The following ATP8B4 variants were observed in gnomAD, a reference collection of about 807,000 sequenced individuals.
The protein encoded by ATP8B4 is ATPase phospholipid transporting 8B4 (putative).
In ATP8B4, 133 loss-of-function variants were observed where a neutral mutation model predicts 145.6. The observed-to-expected ratio is 0.91, with a 90% CI of 0.79 to 1.05. The LOEUF (loss-of-function observed/expected upper bound fraction) is 1.05, where lower values mean the gene tolerates loss of function less well. Ranked by LOEUF, ATP8B4 falls within the 50% of genes least tolerant of loss-of-function variation. The pLI is 0.00. For synonymous variants in ATP8B4, 507 were observed against 492.9 expected (o/e 1.03, Z -0.38); for missense variants, 1,458 against 1,425.2 (o/e 1.02, Z -0.37).
At chr15:49,911,635 C>G (rs1179176841) in intron 20 of ATP8B4, among the ~76,000 whole-genome samples, 1 of 152,074 alleles carries the variant, frequency 6.6e-6, no homozygotes, top group Non-Finnish European at 1.5e-5. Flanking sequence ...ATCATTTAGA[C>G]AGATAATCAA....
At chr15:49,893,544 A>G (rs2037056270) in intron 23 of ATP8B4, among the ~76,000 whole-genome samples, 1 of 152,224 alleles carries the variant, frequency 6.6e-6, no homozygotes, top group Non-Finnish European at 1.5e-5. Context: ...TGAAATAAGC[A>G]TGTCACAAAA....
intron 27 of ATP8B4, among the ~76,000 whole-genome samples, chr15:49,861,336 T>C (rs970078924): frequency 1.3e-5 from 2 of 152,030 alleles, no homozygotes; most frequent in Non-Finnish European, 2.9e-5. Flanking sequence ...GGACTCCGAA[T>C]TTTTCCGGAA....
At chr15:50,099,281 T>C in intron 2 of ATP8B4, among the ~76,000 whole-genome samples, 1 of 152,136 alleles carries the variant, frequency 6.6e-6, no homozygotes. Flanking sequence ...TTTTTTTTCT[T>C]TTCTTTTCTT....
intron 16 of ATP8B4, among the ~76,000 whole-genome samples, chr15:49,928,346 G>C (rs534809515): frequency 3.3e-5 from 5 of 152,120 alleles, no homozygotes; most frequent in African/African-American, 1.2e-4. Flanking sequence ...TCCAAGAAGA[G>C]AAGTGGGGGA....
chr15:50,147,569 G>A (rs922680078), intron 1 of ATP8B4, among the ~76,000 whole-genome samples: 1 of 152,082 alleles, frequency 6.6e-6, no homozygotes, highest in Non-Finnish European at 1.5e-5. Context: ...GGATCCCACG[G>A]AGAAATGGTT....
chr15:50,107,156 G>C (rs2056725663), intron 1 of ATP8B4, 148 bp from the exon 2 acceptor site: 1 of 499,240 alleles, frequency 2.0e-6, no homozygotes, highest in African/African-American at 2.0e-5. Context: ...TGAGGCTTTA[G>C]TCCAGCCAGA....
intron 15 of ATP8B4, among the ~76,000 whole-genome samples, chr15:49,932,374 T>C (rs2041347931): frequency 6.6e-6 from 1 of 152,018 alleles, no homozygotes. Flanking sequence ...TTCATCTTTA[T>C]AAATTTTTGT....
chr15:50,096,618 C>T (rs1180031221), intron 2 of ATP8B4, among the ~76,000 whole-genome samples: 1 of 152,126 alleles, frequency 6.6e-6, no homozygotes, highest in Middle Eastern at 3.2e-3. Context: ...CTAAGGACTG[C>T]AATGCTGCCT....
At chr15:50,033,220 A>T (rs1291034050) in intron 6 of ATP8B4, among the ~76,000 whole-genome samples, 1 of 152,228 alleles carries the variant, frequency 6.6e-6, no homozygotes, top group East Asian at 1.9e-4. Context: ...AGCTTCAGAG[A>T]TTTAAGCAAA....
Position 49,918,834 on chromosome 15 carries a change from G to C in ATP8B4, c.2035+5C>G, listed in dbSNP as rs950101331. The C allele has an allele frequency of 2.5e-6, 4 of 1,586,788 alleles. No homozygotes were observed. The highest frequency in any genetic ancestry group is 3.4e-6 in the Non-Finnish European group (4 of 1,159,958). On this transcript the variant is annotated splice_donor_5th_base_variant and intron_variant, in intron 19 of 27. Transcript: ENST00000284509. ...AAATATCATCAACATCCATTTTCAA[G>C]TTACCTTGTTTGTCTCCTGTTAGGA...
chr15:49,978,315 G>C (rs12591910), intron 12 of ATP8B4, among the ~76,000 whole-genome samples: 1 of 152,104 alleles, frequency 6.6e-6, no homozygotes, highest in Non-Finnish European at 1.5e-5. Context: ...GAGGTCCTCA[G>C]AATCAAAGAT....
chr15:50,011,790 C>T (rs1055802874), intron 6 of ATP8B4, among the ~76,000 whole-genome samples: 3 of 152,116 alleles, frequency 2.0e-5, no homozygotes, highest in Admixed American at 1.3e-4. Flanking sequence ...TGGAAGTTTT[C>T]ATCACATTTC....
intron 1 of ATP8B4, among the ~76,000 whole-genome samples, chr15:50,181,099 T>C (rs1187134150): frequency 6.6e-6 from 1 of 152,160 alleles, no homozygotes; most frequent in Non-Finnish European, 1.5e-5. Flanking sequence ...TAAATGAGCA[T>C]GAAAGTGCCA....
At chr15:49,973,165 C>T (rs762485335) in intron 12 of ATP8B4, among the ~76,000 whole-genome samples, 8 of 152,120 alleles carry the variant, frequency 5.3e-5, no homozygotes, top group African/African-American at 9.7e-5. Flanking sequence ...TTGTGGAGGA[C>T]GCTTTTCCAC....
chr15:50,047,568 G>A (rs539843602), intron 3 of ATP8B4, 104 bp from the exon 4 acceptor site: 163 of 729,790 alleles, frequency 2.2e-4, no homozygotes, highest in South Asian at 9.7e-4. Context: ...AAGATAAGCC[G>A]GTTATCTAGG....
In ATP8B4 at chr15:50,044,634, A is replaced by G. The variant is rs752146039; in HGVS notation, c.260T>C (p.Val87Ala). The G allele has an allele frequency of 6.2e-7, 1 of 1,613,398 alleles. No individual in the cohort carries two copies. The highest frequency in any genetic ancestry group is 1.1e-5 in the South Asian group (1 of 90,938). The change falls in exon 5 of 28, where the codon GTG becomes GCG. Residue 87 changes from valine (V) to alanine (A), a missense_variant. By Grantham distance (64) the Val-to-Ala change is moderately conservative. Transcript: ENST00000284509. ...WFTTIVPLVL[V>A]ITMTAVKDAT... ...ATCTTTGACAGCTGTCATAGTTATC[A>G]CCAGGACCAAAGGCACAATGGTGGT... is the stretch of plus-strand genomic sequence containing the variant.
chr15:50,170,973 T>C (rs1567417409), intron 1 of ATP8B4, among the ~76,000 whole-genome samples: 1 of 152,196 alleles, frequency 6.6e-6, no homozygotes, highest in Non-Finnish European at 1.5e-5. Flanking sequence ...AGAGACAGCA[T>C]AGAATGGTAA....
chr15:50,149,580 T>A (rs1371593235), intron 1 of ATP8B4, among the ~76,000 whole-genome samples: 2 of 152,154 alleles, frequency 1.3e-5, no homozygotes, highest in Non-Finnish European at 2.9e-5. Context: ...ATGATAATGA[T>A]GATAATATGC....
intron 25 of ATP8B4, among the ~76,000 whole-genome samples, chr15:49,871,671 C>G (rs192876754): frequency 1.1e-4 from 17 of 152,198 alleles, no homozygotes; most frequent in Non-Finnish European, 5.9e-5. Context: ...CAACCTCTCT[C>G]CTCATATCCC....
Sources: allele counts gnomAD v4.1 joint callset (sites outside exome capture counted in the v4.1 genomes callset), GRCh38; gene constraint gnomAD v4.1.1; transcripts MANE v1.5; gene names NCBI Gene and HGNC (gene_info 2026-07-23, HGNC 2026-07-21).